The following F13A1 variants were observed in gnomAD, a reference collection of about 807,000 sequenced individuals.
F13A1 encodes coagulation factor XIII A chain.
A neutral mutation model predicts 80.1 loss-of-function variants in F13A1; 47 were observed. The observed-to-expected ratio is 0.59, with a 90% confidence interval of 0.46 to 0.75. The LOEUF is 0.75. Among genes scored for constraint, F13A1 ranks in the 30% least tolerant of loss-of-function variants. The probability of loss-of-function intolerance (pLI) is 0.00; values close to 1 mark genes in which losing one functional copy is unlikely to be tolerated. For synonymous variants in F13A1, 349 were observed against 344.9 expected, an observed-to-expected ratio of 1.01 and a Z score of -0.13; for missense variants, 817 against 930.4, an observed-to-expected ratio of 0.88 and a Z score of 1.59.
At chr6:6,266,503 C>T (rs1757846122) in intron 4 of F13A1, 55 bp downstream of exon 4, 1 of 1,613,874 alleles carries the variant, frequency 6.2e-7, no homozygotes. Context: ...TGTGCCATGG[C>T]ACCCCGCCAA....
intron 3 of F13A1, among the ~76,000 whole-genome samples, chr6:6,303,706 AAGACTTCCCAC>A (rs1186402062): frequency 3.3e-5 from 5 of 152,162 alleles, no homozygotes; most frequent in African/African-American, 1.2e-4. Context: ...TGTATACAGA[AAGACTTCCCAC>A]TCAAGAACAT....
Position 6,280,380 on chromosome 6 carries a change from A to G in F13A1, c.320-13571T>C, listed in dbSNP as rs552275473. ...GACCGTGGGGGAAGTCAACGACTTT[A>G]TTAACTACATGACAACAAATATGGA... On this transcript the variant is annotated intron_variant, in intron 3 of 14. Coordinates refer to ENST00000264870, the MANE Select transcript of F13A1 (RefSeq NM_000129.4). Among the ~76,000 whole-genome samples the G allele has an allele frequency of 7.2e-5, 11 of 152,378 alleles. No individual in the cohort carries two copies. The South Asian group carries it at 2.3e-3, about 32-fold the overall frequency.
intron 4 of F13A1, 105 bp from the exon 5 acceptor site, chr6:6,251,034 C>G: frequency 1.1e-6 from 1 of 898,396 alleles, no homozygotes. Flanking sequence ...TTTAATCAGC[C>G]AAATTTTTAA....
At chr6:6,293,462 C>T (rs1429542255) in intron 3 of F13A1, among the ~76,000 whole-genome samples, 1 of 151,798 alleles carries the variant, frequency 6.6e-6, no homozygotes, top group Non-Finnish European at 1.5e-5. Context: ...GAGAGAAGGC[C>T]CTGCAGACTC....
At chr6:6,304,428 G>C (rs992218100) in intron 3 of F13A1, among the ~76,000 whole-genome samples, 2 of 152,112 alleles carry the variant, frequency 1.3e-5, no homozygotes, top group Admixed American at 1.3e-4. Context: ...CTATAGAAAT[G>C]TTTACCAAAA....
At chr6:6,183,927 A>G (rs1761031916) in intron 10 of F13A1, among the ~76,000 whole-genome samples, 1 of 152,208 alleles carries the variant, frequency 6.6e-6, no homozygotes, top group South Asian at 2.1e-4. Context: ...TGTGAACATG[A>G]CTTGTAAATT....
chr6:6,185,338 G>C (rs1242564613), intron 10 of F13A1, among the ~76,000 whole-genome samples: 2 of 133,174 alleles, frequency 1.5e-5, no homozygotes, highest in African/African-American at 5.7e-5. Flanking sequence ...CTGTGTCCAT[G>C]TGATCTCATT....
Position 6,174,740 on chromosome 6 carries a change from C to A in F13A1, c.1587G>T (p.Val529=), listed in dbSNP as rs781621515. Residue 529 remains valine (V), a synonymous_variant, in exon 12 of 15, where the codon GTG becomes GTT. Transcript: ENST00000264870. ...VDMDFEVENA[V]LGKDFKLSIT... ...TGGAGAGCTTGAAGTCTTTTCCCAGCACAGCATTTTCCACTTCAAAGTCCA... is the reference window on the plus strand; with the variant it reads ...TGGAGAGCTTGAAGTCTTTTCCCAGAACAGCATTTTCCACTTCAAAGTCCA... The A allele has an allele frequency of 4.3e-6, 7 of 1,614,182 alleles. No individual in the cohort carries two copies. In the South Asian group the frequency reaches 6.6e-5, roughly 15 times the overall value.
intron 3 of F13A1, among the ~76,000 whole-genome samples, chr6:6,300,034 G>A (rs1017686287): frequency 6.8e-6 from 1 of 147,166 alleles, no homozygotes; most frequent in Non-Finnish European, 1.5e-5. Flanking sequence ...TGCCCCTGCT[G>A]GGGGGTGCCT....
intron 4 of F13A1, 99 bp from the exon 5 acceptor site, chr6:6,251,028 A>C (rs1757625187): frequency 1.1e-6 from 1 of 946,414 alleles, no homozygotes. Context: ...ACTACATTTA[A>C]TCAGCCAAAT....
At chr6:6,274,454 A>G (rs1206264856) in intron 3 of F13A1, among the ~76,000 whole-genome samples, 3 of 152,174 alleles carry the variant, frequency 2.0e-5, no homozygotes, top group Non-Finnish European at 4.4e-5. Context: ...CCCTGGCTTT[A>G]AGAAGTGCAC....
chr6:6,283,548 G>A (rs574469811), intron 3 of F13A1, among the ~76,000 whole-genome samples: 3 of 152,122 alleles, frequency 2.0e-5, no homozygotes, highest in African/African-American at 7.2e-5. Context: ...ACAGTTCTTT[G>A]TATGGTTTGT....
At chr6:6,147,885 A>G (rs1760313171) in intron 14 of F13A1, among the ~76,000 whole-genome samples, 1 of 152,298 alleles carries the variant, frequency 6.6e-6, no homozygotes, top group Admixed American at 6.5e-5. Flanking sequence ...GAGTAATCCT[A>G]TTTTCTGGGG....
At chr6:6,161,551 T>TGAGAGAGA (rs111622535) in intron 13 of F13A1, among the ~76,000 whole-genome samples, 1 of 146,282 alleles carries the variant, frequency 6.8e-6, no homozygotes, top group African/African-American at 2.5e-5. Flanking sequence ...TGTGTGTGTG[T>TGAGAGAGA]GAGAGAGAGA....
At chr6:6,157,793 T>C (rs1239852567) in intron 13 of F13A1, among the ~76,000 whole-genome samples, 1 of 152,230 alleles carries the variant, frequency 6.6e-6, no homozygotes, top group African/African-American at 2.4e-5. Flanking sequence ...AATGTGAGAT[T>C]GGTTATTCTC....
intron 8 of F13A1, among the ~76,000 whole-genome samples, chr6:6,213,290 T>A (rs1222690169): frequency 4.9e-4 from 74 of 151,302 alleles, no homozygotes; most frequent in African/African-American, 1.6e-3. Context: ...AAAGGTCGGG[T>A]TACCCTCAAA....
In F13A1 at chr6:6,145,781, A is replaced by T; in HGVS notation, c.2046-9T>A. On this transcript the variant is annotated splice_polypyrimidine_tract_variant and intron_variant, in intron 14 of 14. Transcript: ENST00000264870. ...AGTTGGGCCGGATTTCACTGAAAGGATGGAAAAGAGAGGAGAGGTTGGAAG... is the reference window on the plus strand; with the variant it reads ...AGTTGGGCCGGATTTCACTGAAAGGTTGGAAAAGAGAGGAGAGGTTGGAAG... 6.2e-7 allele frequency: 1 copy of T among 1,613,950 alleles called. No homozygotes were observed. The highest frequency in any genetic ancestry group is 8.5e-7 in the Non-Finnish European group (1 of 1,179,920).
At chr6:6,229,764 CTG>C (rs1392947639) in intron 6 of F13A1, among the ~76,000 whole-genome samples, 4 of 152,228 alleles carry the variant, frequency 2.6e-5, no homozygotes, top group Non-Finnish European at 5.9e-5. Context: ...CCCCCAAATA[CTG>C]TGAGTGTCCC....
In F13A1 at chr6:6,167,529, T is replaced by C. The variant is rs140646752; in HGVS notation, c.1837A>G (p.Ile613Val). Residue 613 changes from isoleucine (I) to valine (V), a missense_variant, in exon 13 of 15, where the codon ATC becomes GTC. Ile to Val is a conservative substitution (Grantham distance 29, BLOSUM62 3). Coordinates refer to ENST00000264870, the MANE Select transcript of F13A1 (RefSeq NM_000129.4). ...ASLHFFVTAR[I>V]NETRDVLAKQ... is the part of the protein sequence containing the mutation. ...GCCAGAACATCCCTGGTCTCATTGA[T>C]GCGAGCTGTGACAAAGAAGTGCAGG... 6.2e-7 allele frequency: 1 copy of C among 1,614,134 alleles called. No homozygotes were observed. Among genetic ancestry groups the C allele is most frequent in the Non-Finnish European group, 8.5e-7 (1 of 1,180,018 alleles).
Sources: allele counts gnomAD v4.1 joint callset (sites outside exome capture counted in the v4.1 genomes callset), GRCh38; gene constraint gnomAD v4.1.1; transcripts MANE v1.5; gene names NCBI Gene and HGNC (gene_info 2026-07-23, HGNC 2026-07-21).